Variants in PCDH11X observed in about 807,000 individuals in gnomAD.
The protein encoded by PCDH11X is protocadherin-11 X-linked.
Under a neutral mutation model 53.3 loss-of-function variants are expected in PCDH11X, and 18 were observed. The observed-to-expected ratio is 0.34, with a 90% CI of 0.23 to 0.50. The LOEUF (loss-of-function observed/expected upper bound fraction) is 0.50. Ranked by LOEUF, PCDH11X falls within the 20% of genes least tolerant of loss-of-function variation. PCDH11X has a pLI of 0.98. For synonymous variants in PCDH11X, 279 were observed against 393.3 expected (o/e 0.71, Z 3.44); for missense variants, 570 against 1,032.4 (o/e 0.55, Z 6.14).
chrX:92,004,320 T>A (rs1312057405), intron 6 of PCDH11X, among the ~76,000 whole-genome samples: 3 of 111,655 alleles, frequency 2.7e-5, no homozygotes, highest in African/African-American at 9.7e-5. Context: ...TCCTTGAGAA[T>A]GATCCATGTG....
chrX:92,528,449 C>T (rs1444567223), intron 10 of PCDH11X, among the ~76,000 whole-genome samples: 1 of 111,010 alleles, frequency 9.0e-6, no homozygotes, highest in Non-Finnish European at 1.9e-5. Context: ...TGCACCACCA[C>T]ACCCGGCTAA....
intron 6 of PCDH11X, among the ~76,000 whole-genome samples, chrX:92,106,376 G>GA (rs1159611457): frequency 2.7e-5 from 3 of 110,307 alleles, no homozygotes; most frequent in South Asian, 7.5e-4. Context: ...TGTTTACTCA[G>GA]ACATTTTGTT....
chrX:91,790,929 G>A (rs1446448080), intron 1 of PCDH11X, among the ~76,000 whole-genome samples: 2 of 105,657 alleles, frequency 1.9e-5, no homozygotes, highest in African/African-American at 6.9e-5. Flanking sequence ...TCACTTCAGC[G>A]TTGGAATTCA....
chrX:92,230,443 T>A (rs755637271), intron 7 of PCDH11X, among the ~76,000 whole-genome samples: 388 of 19,444 alleles, frequency 0.02, 11 homozygotes, highest in Middle Eastern at 0.037. Flanking sequence ...ATATTATATA[T>A]TTATATATAA....
At chrX:91,972,077 G>A (rs1602592319) in intron 6 of PCDH11X, among the ~76,000 whole-genome samples, 1 of 108,807 alleles carries the variant, frequency 9.2e-6, no homozygotes, top group Non-Finnish European at 1.9e-5. Flanking sequence ...GTGTAAAAGT[G>A]TTCCTATTTC....
At chrX:92,540,711 T>G (rs1479815145) in intron 10 of PCDH11X, among the ~76,000 whole-genome samples, 1 of 106,901 alleles carries the variant, frequency 9.4e-6, no homozygotes, top group African/African-American at 3.4e-5. Flanking sequence ...GCCCATGGAG[T>G]ACTCCCTGAC....
chrX:92,191,706 G>T (rs181139037), intron 6 of PCDH11X, among the ~76,000 whole-genome samples: 120 of 111,812 alleles, frequency 1.1e-3, no homozygotes, highest in African/African-American at 3.6e-3. Flanking sequence ...TTCTTTTTGC[G>T]TTGAAAACTG....
rs760491193 is a variant in PCDH11X at position 92,438,720 on chromosome X, C to T, written c.3344-29579C>T. ...GTCTTGCTAAGTTTCCTTCAGTCAC[C>T]ATTAGATCTACCCCACTTTGTCCAT... On this transcript the variant is annotated intron_variant, in intron 9 of 10. Coordinates refer to ENST00000682573, the MANE Select transcript of PCDH11X (RefSeq NM_032968.5). 2.7e-5 allele frequency among the ~76,000 whole-genome samples: 3 copies of T among 111,264 alleles called. No homozygotes were observed. The South Asian group carries it at 1.1e-3, about 42-fold the overall frequency.
At chrX:92,019,895 C>T (rs1231592443) in intron 6 of PCDH11X, among the ~76,000 whole-genome samples, 6 of 111,450 alleles carry the variant, frequency 5.4e-5, no homozygotes, top group African/African-American at 9.8e-5. Context: ...AGGACTGACT[C>T]GGCAGCTGGC....
chrX:91,900,296 G>T (rs2524559), intron 6 of PCDH11X, among the ~76,000 whole-genome samples: 1 of 110,323 alleles, frequency 9.1e-6, no homozygotes, highest in Non-Finnish European at 1.9e-5. Flanking sequence ...GTTGTGTCTC[G>T]TGGTGGCAGC....
At chrX:92,469,918 AT>A (rs967310563) in intron 10 of PCDH11X, among the ~76,000 whole-genome samples, 19 of 106,310 alleles carry the variant, frequency 1.8e-4, no homozygotes, top group African/African-American at 5.1e-4. Context: ...AAGTTTTAGA[AT>A]TTTTTTTTCA....
intron 6 of PCDH11X, among the ~76,000 whole-genome samples, chrX:92,014,637 A>T (rs1338304199): frequency 9.0e-6 from 1 of 111,637 alleles, no homozygotes; most frequent in East Asian, 2.8e-4. Context: ...AACAAAGCCA[A>T]ATGTTCAACA....
intron 6 of PCDH11X, among the ~76,000 whole-genome samples, chrX:92,017,112 T>A (rs1481693612): frequency 2.0e-5 from 2 of 101,422 alleles, no homozygotes; most frequent in African/African-American, 7.2e-5. Context: ...AATTAAGTTT[T>A]TCATTTTATA....
intron 6 of PCDH11X, among the ~76,000 whole-genome samples, chrX:91,985,457 A>G (rs1194379819): frequency 8.9e-6 from 1 of 112,536 alleles, no homozygotes; most frequent in African/African-American, 3.2e-5. Flanking sequence ...GTGAGCCGCG[A>G]TCGTGCCACT....
chrX:92,209,304 A>T (rs1294452716), intron 7 of PCDH11X, among the ~76,000 whole-genome samples: 1 of 111,720 alleles, frequency 9.0e-6, no homozygotes, highest in East Asian at 2.8e-4. Context: ...AATCCGTAAA[A>T]TTTTTTTAAA....
chrX:91,985,096 A>G (rs2062207911), intron 6 of PCDH11X, among the ~76,000 whole-genome samples: 1 of 112,201 alleles, frequency 8.9e-6, no homozygotes, highest in South Asian at 3.7e-4. Context: ...TAATACACAT[A>G]AAGCAGTGTT....
chrX:91,795,380 T>G (rs1393797007), intron 1 of PCDH11X, among the ~76,000 whole-genome samples: 1 of 110,631 alleles, frequency 9.0e-6, no homozygotes, highest in Non-Finnish European at 1.9e-5. Context: ...TATTGTCCTG[T>G]CACATCTTTC....
At chrX:91,855,340 C>T (rs962327237) in intron 5 of PCDH11X, among the ~76,000 whole-genome samples, 1 of 111,264 alleles carries the variant, frequency 9.0e-6, no homozygotes, top group African/African-American at 3.3e-5. Context: ...GTTATCTGTT[C>T]TGTTCCATTG....
intron 8 of PCDH11X, 66 bp downstream of exon 8, chrX:92,263,209 G>A: frequency 3.2e-6 from 3 of 951,926 alleles, no homozygotes; most frequent in South Asian, 4.7e-5. Flanking sequence ...TGAAGCTACA[G>A]TAGTTAGTCC....
Sources: gnomAD v4.1 joint callset for allele counts (sites outside exome capture counted in the v4.1 genomes callset) on GRCh38, gnomAD v4.1.1 for gene constraint, MANE v1.5 for transcripts, NCBI Gene and HGNC (gene_info 2026-07-23, HGNC 2026-07-21) for gene names.